The following SDHA variants were observed in gnomAD, a reference collection of about 807,000 sequenced individuals.
The protein encoded by SDHA is succinate dehydrogenase [ubiquinone] flavoprotein subunit, mitochondrial.
A neutral mutation model predicts 78.4 loss-of-function variants in SDHA; 48 were observed. The observed-to-expected ratio is 0.61, with a 90% confidence interval of 0.49 to 0.78. The LOEUF is 0.78. Ranked by LOEUF, SDHA falls within the 30% of genes least tolerant of loss-of-function variation. The pLI, the probability that SDHA is intolerant of heterozygous loss-of-function variation, is 0.00. For missense variants in SDHA, 680 were observed against 892.7 expected (o/e 0.76, Z 3.04); for synonymous variants, 326 against 353.9 (o/e 0.92, Z 0.88).
At chr5:258,438 G>A (rs1301305452), downstream of SDHA, among the ~76,000 whole-genome samples, 3 of 121,540 alleles carry the variant, frequency 2.5e-5, no homozygotes, top group South Asian at 7.3e-4. Context: ...GAGCATTACT[G>A]TGAGCTCCAT....
In SDHA at chr5:222,349, T is replaced by C. The variant is rs560301797; in HGVS notation, c.64-1133T>C. 2.4e-4 allele frequency among the ~76,000 whole-genome samples: 33 copies of C among 136,226 alleles called. No individual in the cohort carries two copies. The Middle Eastern group carries it at 0.022, about 92-fold the overall frequency. 89.4% of individuals were successfully genotyped at this position (136,226 alleles called of 152,430 possible). A position where few individuals can be genotyped will look rare whatever the true frequency, so the allele number is the denominator to read the frequency against. On this transcript the variant is annotated intron_variant, in intron 1 of 14. Transcript: ENST00000264932. ...TATTTCCTAAAGCTTTTTTTTCTTT[T>C]CTTTTTTTTTTTTTTGGAGACGTTG...
chr5:236,739 G>A, intron 10 of SDHA, 140 bp downstream of exon 10: 2 of 833,154 alleles, frequency 2.4e-6, no homozygotes, highest in Non-Finnish European at 3.9e-6. Flanking sequence ...CCGGGCTCAA[G>A]CAGTCTTCAA....
the SDHA span, among the ~76,000 whole-genome samples, chr5:268,699 A>G: frequency 1.2e-4 from 19 of 152,320 alleles, no homozygotes; most frequent in Non-Finnish European, 2.5e-4. Context: ...CACATATTTA[A>G]ATATTATAAG....
At chr5:240,247 A>T in intron 10 of SDHA, 111 bp from the exon 11 acceptor site, 1 of 713,816 alleles carries the variant, frequency 1.4e-6, no homozygotes, top group South Asian at 1.5e-5. Context: ...AGACTTACAG[A>T]GTTTCCAAGC....
chr5:219,371 T>G (rs1189374301), intron 1 of SDHA, among the ~76,000 whole-genome samples: 1 of 152,248 alleles, frequency 6.6e-6, no homozygotes, highest in Non-Finnish European at 1.5e-5. Flanking sequence ...TTTAGTTGTT[T>G]GGTTCTTTTA....
rs553158582 is a variant in SDHA, at chr5:239,496, G to A, written c.1433-862G>A. 1.8e-4 allele frequency among the ~76,000 whole-genome samples: 27 copies of A among 151,884 alleles called. 2 individuals carry two copies. In the South Asian group the frequency reaches 5.6e-3, roughly 32 times the overall value. Reference sequence around the variant, plus strand: ...TTGCTTGAACCCGGAGATGGAGGTTGCAGTGAGCCGAGATGGTGCCACTGA... The same window carrying A: ...TTGCTTGAACCCGGAGATGGAGGTTACAGTGAGCCGAGATGGTGCCACTGA... On this transcript the variant is annotated intron_variant, in intron 10 of 14. Coordinates refer to ENST00000264932, the MANE Select transcript of SDHA (RefSeq NM_004168.4).
chr5:224,049 G>A (rs1193217515), intron 2 of SDHA, among the ~76,000 whole-genome samples: 1 of 152,258 alleles, frequency 6.6e-6, no homozygotes, highest in Non-Finnish European at 1.5e-5. Flanking sequence ...CCACAATAGC[G>A]ACTGAATACT....
the SDHA span, among the ~76,000 whole-genome samples, chr5:265,610 G>GT: frequency 6.6e-6 from 1 of 152,076 alleles, no homozygotes; most frequent in Admixed American, 6.5e-5. Context: ...AAGAATGACA[G>GT]TTTAAGAATT....
intron 10 of SDHA, among the ~76,000 whole-genome samples, chr5:237,152 CATT>C (rs1347283040): frequency 7.4e-6 from 1 of 134,406 alleles, no homozygotes; most frequent in Non-Finnish European, 1.5e-5. Flanking sequence ...ATTTTGCAGT[CATT>C]ATGTTCTGTT....
intron 13 of SDHA, among the ~76,000 whole-genome samples, chr5:252,663 G>C (rs113824777): frequency 9.9e-6 from 1 of 100,600 alleles, no homozygotes; most frequent in Non-Finnish European, 1.9e-5. Flanking sequence ...TGTGGAGGAA[G>C]TGCCAGTTTA....
intron 9 of SDHA, chr5:235,836 G>A (rs1735739440): frequency 3.8e-6 from 1 of 263,446 alleles, no homozygotes. Flanking sequence ...CGGAGCACAG[G>A]TGGTGAGGGC....
chr5:266,892 A>AGACCCACGCC, the SDHA span, among the ~76,000 whole-genome samples: 129 of 150,878 alleles, frequency 8.5e-4, 10 homozygotes, highest in Middle Eastern at 3.5e-3. Flanking sequence ...TAAAATATTC[A>AGACCCACGCC]GTCCCGTGCA....
intron 10 of SDHA, 65 bp from the exon 11 acceptor site, chr5:240,293 T>C: frequency 9.9e-7 from 1 of 1,013,186 alleles, no homozygotes; most frequent in Non-Finnish European, 1.5e-6. Context: ...TGTGTGTCAT[T>C]CTAAATCCAT....
chr5:259,691 C>A (rs1463103771), downstream of SDHA, among the ~76,000 whole-genome samples: 1 of 29,358 alleles, frequency 3.4e-5, no homozygotes, highest in Non-Finnish European at 6.1e-5. Context: ...AGCTCCGCCC[C>A]CCGCCACAGC....
chr5:231,164 C>G (rs962178650), intron 7 of SDHA, among the ~76,000 whole-genome samples, 164 bp downstream of exon 7: 1 of 152,182 alleles, frequency 6.6e-6, no homozygotes, highest in African/African-American at 2.4e-5. Context: ...CCTAAGGAGA[C>G]TTTTCCCACA....
At chr5:229,070 A>T (rs1334832331) in intron 6 of SDHA, among the ~76,000 whole-genome samples, 1 of 152,146 alleles carries the variant, frequency 6.6e-6, no homozygotes, top group Non-Finnish European at 1.5e-5. Flanking sequence ...ATGAGATATC[A>T]TCTCATCTCG....
intron 3 of SDHA, among the ~76,000 whole-genome samples, chr5:225,146 A>G (rs1460058694): frequency 1.3e-5 from 2 of 152,162 alleles, no homozygotes; most frequent in African/African-American, 4.8e-5. Flanking sequence ...CCTTTCACTC[A>G]CTGCTCCAGT....
chr5:245,639 T>C (rs1302671168), intron 11 of SDHA, among the ~76,000 whole-genome samples: 4 of 152,252 alleles, frequency 2.6e-5, no homozygotes, highest in Non-Finnish European at 5.9e-5. Context: ...GCTGGTTTAA[T>C]TATAGCTCCT....
chr5:224,774 A>T (rs957731363), intron 3 of SDHA: 1 of 543,466 alleles, frequency 1.8e-6, no homozygotes, highest in South Asian at 2.0e-5. Context: ...CATCTTGCCT[A>T]CTACCTTCCC....
Sources: gnomAD v4.1 joint callset for allele counts (sites outside exome capture counted in the v4.1 genomes callset) on GRCh38, gnomAD v4.1.1 for gene constraint, MANE v1.5 for transcripts, NCBI Gene and HGNC (gene_info 2026-07-23, HGNC 2026-07-21) for gene names.